The following AK4 variants were observed in gnomAD, a reference collection of about 807,000 sequenced individuals.
AK4 encodes the protein adenylate kinase 4, also known as adenylate kinase 4, mitochondrial.
A neutral mutation model predicts 24.6 loss-of-function variants in AK4; 13 were observed. That is an observed-to-expected ratio of 0.53 (90% CI 0.34 to 0.84). AK4 has a LOEUF of 0.84. Ranked by LOEUF, AK4 falls within the 40% of genes least tolerant of loss-of-function variation. The pLI is 0.01. For missense variants in AK4, 192 were observed against 288.2 expected (o/e 0.67, Z 2.42); for synonymous variants, 88 against 107.0 (o/e 0.82, Z 1.10).
At chr1:65,183,405 C>A (rs956029077) in intron 1 of AK4, among the ~76,000 whole-genome samples, 3 of 152,096 alleles carry the variant, frequency 2.0e-5, no homozygotes, top group Non-Finnish European at 4.4e-5. Context: ...TGCACACCAT[C>A]ACGCCCAGCT....
At chr1:65,154,050 G>A (rs943922983) in intron 1 of AK4, among the ~76,000 whole-genome samples, 1 of 152,196 alleles carries the variant, frequency 6.6e-6, no homozygotes, top group Non-Finnish European at 1.5e-5. Context: ...GTTTTCCATA[G>A]GACAATGACA....
At chr1:65,216,322 G>A (rs2101080653) in intron 2 of AK4, among the ~76,000 whole-genome samples, 1 of 152,102 alleles carries the variant, frequency 6.6e-6, no homozygotes, top group Non-Finnish European at 1.5e-5. Context: ...TAGTAGACAT[G>A]GAGTTTTGCC....
At chr1:65,192,714 T>C (rs1444778790) in intron 2 of AK4, among the ~76,000 whole-genome samples, 1 of 152,220 alleles carries the variant, frequency 6.6e-6, no homozygotes, top group Admixed American at 6.5e-5. Context: ...GCAAGTCATC[T>C]ACTTCCAAAA....
At chr1:65,168,003 G>A (rs945959713) in intron 1 of AK4, among the ~76,000 whole-genome samples, 2 of 152,078 alleles carry the variant, frequency 1.3e-5, no homozygotes, top group Non-Finnish European at 1.5e-5. Flanking sequence ...AATAGCCCCA[G>A]TTCTCTCTAC....
At chr1:65,159,369 C>T (rs1362791476) in intron 1 of AK4, among the ~76,000 whole-genome samples, 1 of 152,216 alleles carries the variant, frequency 6.6e-6, no homozygotes, top group East Asian at 1.9e-4. Context: ...GGTTGAGTAA[C>T]TAACTTGGTC....
intron 1 of AK4, among the ~76,000 whole-genome samples, chr1:65,150,097 A>G (rs1458793204): frequency 6.6e-6 from 1 of 151,966 alleles, no homozygotes; most frequent in African/African-American, 2.4e-5. Flanking sequence ...AATTCTCTGT[A>G]CCTTACTTGG....
upstream of AK4, chr1:65,148,117 G>A: frequency 2.1e-6 from 1 of 477,358 alleles, no homozygotes; most frequent in Non-Finnish European, 3.4e-6. Flanking sequence ...GCGGGGCACG[G>A]CGCGCTTCAG....
chr1:65,216,670 C>A (rs1652143836), intron 2 of AK4, among the ~76,000 whole-genome samples: 2 of 137,352 alleles, frequency 1.5e-5, no homozygotes, highest in South Asian at 2.2e-4. Context: ...TCTCTGTCTT[C>A]CTTTTCTTTC....
At chr1:65,224,940 C>T (rs972588604) in intron 4 of AK4, 70 bp downstream of exon 4, 34 of 1,208,676 alleles carry the variant, frequency 2.8e-5, no homozygotes, top group African/African-American at 1.8e-4. Flanking sequence ...GGGAGGAACA[C>T]GGGGCTGAGG....
intron 1 of AK4, among the ~76,000 whole-genome samples, chr1:65,178,204 G>A (rs1040099800): frequency 6.6e-6 from 1 of 152,142 alleles, no homozygotes; most frequent in Non-Finnish European, 1.5e-5. Flanking sequence ...GCCTCAAGGG[G>A]ATTATAATCT....
intron 2 of AK4, among the ~76,000 whole-genome samples, chr1:65,210,937 T>C (rs1233663906): frequency 6.6e-6 from 1 of 152,216 alleles, no homozygotes; most frequent in East Asian, 1.9e-4. Flanking sequence ...TAGCTGGACC[T>C]CAAACATAGG....
chr1:65,216,898 T>A (rs1652149832), intron 2 of AK4, among the ~76,000 whole-genome samples: 1 of 124,074 alleles, frequency 8.1e-6, no homozygotes, highest in African/African-American at 5.5e-5. Context: ...ATGGGTTCTC[T>A]CTACATTGCC....
intron 1 of AK4, among the ~76,000 whole-genome samples, chr1:65,165,562 A>T (rs63249560): frequency 9.9e-6 from 1 of 100,746 alleles, no homozygotes; most frequent in Admixed American, 1.2e-4. Flanking sequence ...CCATGTCTGG[A>T]AAAAAAAAAA....
intron 3 of AK4, among the ~76,000 whole-genome samples, chr1:65,223,596 A>G (rs973593264): frequency 3.9e-5 from 6 of 152,198 alleles, no homozygotes; most frequent in Admixed American, 6.6e-5. Flanking sequence ...GATATCAGCT[A>G]TAACTTTATT....
chr1:65,149,850 G>T (rs369470936), intron 1 of AK4, among the ~76,000 whole-genome samples: 1 of 152,132 alleles, frequency 6.6e-6, no homozygotes, highest in East Asian at 1.9e-4. Flanking sequence ...CCTCAAGTGC[G>T]CCTATTTTGA....
At chr1:65,221,098 T>C (rs1652281772) in intron 3 of AK4, among the ~76,000 whole-genome samples, 1 of 152,204 alleles carries the variant, frequency 6.6e-6, no homozygotes. Context: ...TGTAAAGATA[T>C]TTTAACAAAT....
intron 2 of AK4, among the ~76,000 whole-genome samples, chr1:65,197,434 A>G (rs1212257674): frequency 6.6e-6 from 1 of 152,238 alleles, no homozygotes; most frequent in Non-Finnish European, 1.5e-5. Context: ...ATGTAATTTA[A>G]TCCTTTTCAT....
chr1:65,214,455 A>G (rs1354166705), intron 2 of AK4, among the ~76,000 whole-genome samples: 1 of 152,148 alleles, frequency 6.6e-6, no homozygotes, highest in Non-Finnish European at 1.5e-5. Context: ...GAGTAGATGA[A>G]ACTAAGGATC....
At chr1:65,220,241 T>A (rs1341322271) in intron 3 of AK4, among the ~76,000 whole-genome samples, 1 of 152,212 alleles carries the variant, frequency 6.6e-6, no homozygotes, top group Non-Finnish European at 1.5e-5. Flanking sequence ...CTATTTTGGG[T>A]AAAGACCAAG....
Sources: gnomAD v4.1 joint callset for allele counts (sites outside exome capture counted in the v4.1 genomes callset) on GRCh38, gnomAD v4.1.1 for gene constraint, MANE v1.5 for transcripts, NCBI Gene and HGNC (gene_info 2026-07-23, HGNC 2026-07-21) for gene names.